The following CNTNAP2 variants were observed in gnomAD, a reference collection of about 807,000 sequenced individuals.
CNTNAP2 encodes the protein contactin associated protein 2.
Under a neutral mutation model 155.2 loss-of-function variants are expected in CNTNAP2, and 98 were observed. The ratio of observed to expected loss-of-function variants is 0.63; its 90% CI spans 0.54 to 0.75. The LOEUF is 0.75. Among genes scored for constraint, CNTNAP2 ranks in the 30% least tolerant of loss-of-function variants. CNTNAP2 has a pLI of 0.00. For missense variants in CNTNAP2, 1,727 were observed against 1,688.1 expected, an observed-to-expected ratio of 1.02 and a Z score of -0.40; for synonymous variants, 651 against 631.2, an observed-to-expected ratio of 1.03 and a Z score of -0.47.
chr7:148,035,653 A>G (rs1802559986), intron 15 of CNTNAP2, among the ~76,000 whole-genome samples: 1 of 152,204 alleles, frequency 6.6e-6, no homozygotes, highest in Non-Finnish European at 1.5e-5. Flanking sequence ...AGGCAGAGAC[A>G]TGGTACAGAC....
intron 13 of CNTNAP2, among the ~76,000 whole-genome samples, chr7:147,762,871 A>G (rs916318076): frequency 6.6e-6 from 1 of 152,094 alleles, no homozygotes; most frequent in Non-Finnish European, 1.5e-5. Flanking sequence ...TTTCTACTAA[A>G]TATCTATTGT....
intron 15 of CNTNAP2, among the ~76,000 whole-genome samples, chr7:147,995,086 A>G (rs1748599060): frequency 6.6e-6 from 1 of 152,164 alleles, no homozygotes; most frequent in Non-Finnish European, 1.5e-5. Flanking sequence ...TTGTGGCATC[A>G]TGTGTGAAAT....
intron 1 of CNTNAP2, among the ~76,000 whole-genome samples, chr7:146,472,670 A>G (rs1345193177): frequency 6.6e-6 from 1 of 152,166 alleles, no homozygotes; most frequent in African/African-American, 2.4e-5. Context: ...AAGCAAATTC[A>G]AATATTTTCT....
At chr7:146,432,407 TA>T (rs1796185345) in intron 1 of CNTNAP2, among the ~76,000 whole-genome samples, 1 of 152,146 alleles carries the variant, frequency 6.6e-6, no homozygotes, top group Non-Finnish European at 1.5e-5. Context: ...TTGAATTATA[TA>T]TTTTTTGATC....
In CNTNAP2 at chr7:148,419,810, T is replaced by G. The variant is rs534357001; in HGVS notation, c.*4194T>G. On this transcript the variant is annotated 3_prime_UTR_variant, in exon 24 of 24. Transcript: ENST00000361727. ...TGAGAATTAGCTGACAGCATCCCCT[T>G]TCTCTCTCCCTGCCTTGGTGGGACC... The G allele has an allele frequency of 1.3e-5, 2 of 152,328 alleles. No homozygotes were observed. The highest frequency in any genetic ancestry group is 1.9e-4 in the East Asian group (1 of 5,186). 9.4% of individuals were successfully genotyped at this position (152,328 alleles called of 1,614,324 possible). A position where few individuals can be genotyped will look rare whatever the true frequency, so the allele number is the denominator to read the frequency against.
intron 11 of CNTNAP2, among the ~76,000 whole-genome samples, chr7:147,509,686 C>T (rs1798981572): frequency 6.6e-6 from 1 of 151,966 alleles, no homozygotes; most frequent in Non-Finnish European, 1.5e-5. Flanking sequence ...AGACTAGGTT[C>T]CCCAGTTAAA....
At chr7:148,273,036 C>T (rs1193541946) in intron 21 of CNTNAP2, among the ~76,000 whole-genome samples, 1 of 152,206 alleles carries the variant, frequency 6.6e-6, no homozygotes, top group Non-Finnish European at 1.5e-5. Context: ...AGAGGAAAAT[C>T]TCAGCTCCAT....
At chr7:146,402,896 A>G (rs1795734943) in intron 1 of CNTNAP2, among the ~76,000 whole-genome samples, 1 of 152,118 alleles carries the variant, frequency 6.6e-6, no homozygotes, top group Non-Finnish European at 1.5e-5. Flanking sequence ...GCATAATTAT[A>G]GTTTACACTT....
At chr7:147,830,679 G>A (rs1258050264) in intron 13 of CNTNAP2, among the ~76,000 whole-genome samples, 1 of 152,138 alleles carries the variant, frequency 6.6e-6, no homozygotes, top group Non-Finnish European at 1.5e-5. Context: ...ATAATGGGTT[G>A]GAGGGAAAAT....
intron 1 of CNTNAP2, among the ~76,000 whole-genome samples, chr7:146,525,296 T>C (rs1333627764): frequency 6.6e-6 from 1 of 151,640 alleles, no homozygotes; most frequent in Non-Finnish European, 1.5e-5. Flanking sequence ...TGACTTGTTT[T>C]CGAAACAACG....
chr7:146,830,082 C>A (rs1260557543), intron 2 of CNTNAP2, among the ~76,000 whole-genome samples: 1 of 152,062 alleles, frequency 6.6e-6, no homozygotes, highest in Non-Finnish European at 1.5e-5. Flanking sequence ...AGCCGTTTAA[C>A]TCTCTGATTC....
chr7:147,341,127 C>G (rs1795754947), intron 9 of CNTNAP2, among the ~76,000 whole-genome samples: 1 of 124,784 alleles, frequency 8.0e-6, no homozygotes, highest in African/African-American at 2.8e-5. Flanking sequence ...AAATATAGCT[C>G]TAGTTTCTGG....
intron 1 of CNTNAP2, among the ~76,000 whole-genome samples, chr7:146,533,352 T>A (rs2129139578): frequency 6.6e-6 from 1 of 152,074 alleles, no homozygotes; most frequent in Non-Finnish European, 1.5e-5. Flanking sequence ...TTAGAAAGAC[T>A]ATCCAAAAAG....
chr7:147,783,600 T>C (rs1172648681), intron 13 of CNTNAP2, among the ~76,000 whole-genome samples: 1 of 152,338 alleles, frequency 6.6e-6, no homozygotes, highest in Middle Eastern at 3.4e-3. Context: ...ACAAGTTTCG[T>C]TTATTGCTAT....
intron 6 of CNTNAP2, among the ~76,000 whole-genome samples, chr7:147,128,037 G>A (rs1563086282): frequency 6.6e-6 from 1 of 152,068 alleles, no homozygotes; most frequent in East Asian, 1.9e-4. Flanking sequence ...GAGAAACACA[G>A]TAAGTAGCAT....
At chr7:147,576,261 A>C (rs1800395061) in intron 12 of CNTNAP2, among the ~76,000 whole-genome samples, 1 of 152,068 alleles carries the variant, frequency 6.6e-6, no homozygotes, top group African/African-American at 2.4e-5. Context: ...TGTCTTTTTC[A>C]GTAGAGCTAA....
At chr7:147,607,407 C>T (rs1464604872) in intron 12 of CNTNAP2, among the ~76,000 whole-genome samples, 5 of 151,932 alleles carry the variant, frequency 3.3e-5, no homozygotes, top group African/African-American at 1.2e-4. Flanking sequence ...TGTCTCTCTT[C>T]CTTTCTCTCT....
At chr7:147,279,075 TTA>T (rs1283590008) in intron 8 of CNTNAP2, among the ~76,000 whole-genome samples, 1 of 151,626 alleles carries the variant, frequency 6.6e-6, no homozygotes, top group Admixed American at 6.6e-5. Context: ...AACCCTATCT[TTA>T]TGATATTATG....
At chr7:146,682,309 G>T (rs939459929) in intron 1 of CNTNAP2, among the ~76,000 whole-genome samples, 7 of 152,228 alleles carry the variant, frequency 4.6e-5, no homozygotes, top group Middle Eastern at 6.8e-3. Context: ...TAAGCCTAGT[G>T]TGAGAACATA....
Sources: allele counts gnomAD v4.1 joint callset (sites outside exome capture counted in the v4.1 genomes callset), GRCh38; gene constraint gnomAD v4.1.1; transcripts MANE v1.5; gene names NCBI Gene and HGNC (gene_info 2026-07-23, HGNC 2026-07-21).